The following SHE variants were observed in gnomAD, a reference collection of about 807,000 sequenced individuals.
SHE encodes SH2 domain-containing adapter protein E.
Under a neutral mutation model 49.8 loss-of-function variants are expected in SHE, and 11 were observed. The observed-to-expected ratio is 0.22, with a 90% confidence interval of 0.14 to 0.37. The LOEUF (loss-of-function observed/expected upper bound fraction) is 0.37, where lower values mean the gene tolerates loss of function less well. Ranked by LOEUF, SHE falls within the 10% of genes least tolerant of loss-of-function variation. The probability of loss-of-function intolerance (pLI) is 1.00; values close to 1 mark genes in which losing one functional copy is unlikely to be tolerated. For synonymous variants in SHE, 310 were observed against 278.1 expected, an observed-to-expected ratio of 1.11 and a Z score of -1.14; for missense variants, 624 against 655.5, an observed-to-expected ratio of 0.95 and a Z score of 0.52.
At chr1:154,499,343 A>C in intron 1 of SHE, 105 bp from the exon 2 acceptor site, 4 of 1,316,320 alleles carry the variant, frequency 3.0e-6, no homozygotes, top group Non-Finnish European at 4.1e-6. Context: ...AGGAGGTCAA[A>C]ATCTCTATAA....
In SHE at chr1:154,501,861, C is replaced by T. The variant is rs866211817; in HGVS notation, c.166G>A (p.Ala56Thr). The T allele has an allele frequency of 1.3e-6, 2 of 1,536,668 alleles. No individual in the cohort carries two copies. The highest frequency in any genetic ancestry group is 1.7e-6 in the Non-Finnish European group (2 of 1,148,106). Residue 56 changes from alanine to threonine, a missense_variant, in exon 1 of 6, where the codon GCC (alanine) becomes ACC (threonine). Coordinates refer to ENST00000304760, the MANE Select transcript of SHE (RefSeq NM_001010846.3). ...TTGCCGCCGCCGCCCCCGGGCTTGG[C>T]CCGCTCCGACACGGTCTTCAGGTTC... is the stretch of plus-strand genomic sequence containing the variant. ...PLNLKTVSER[A>T]KPGGGGGKLR...
intron 1 of SHE, among the ~76,000 whole-genome samples, chr1:154,500,037 A>G (rs1692656604): frequency 6.8e-6 from 1 of 147,250 alleles, no homozygotes; most frequent in Non-Finnish European, 1.5e-5. Context: ...CCTCTGTTAC[A>G]TTCTCCAAAG....
chr1:154,475,940 G>T (rs1195918462), downstream of SHE, among the ~76,000 whole-genome samples: 1 of 152,218 alleles, frequency 6.6e-6, no homozygotes, highest in African/African-American at 2.4e-5. Flanking sequence ...GGGATTACAG[G>T]CATGAGCCAC....
In SHE at chr1:154,480,450, A is replaced by G; in HGVS notation, c.*3699T>C. ...GAATATCAAGATGCATCCAGTAACA[A>G]CAGCCAATAACAGACTAGTAACAGA... On this transcript the variant is annotated 3_prime_UTR_variant, in exon 6 of 6. Transcript: ENST00000304760. The G allele has an allele frequency of 2.0e-6, 2 of 985,470 alleles. No homozygotes were observed. The highest frequency in any genetic ancestry group is 1.7e-5 in the African/African-American group (1 of 57,374). The allele number at this position is 985,470 out of a possible 1,614,324, so 61.0% of individuals were successfully genotyped here.
Position 154,485,969 on chromosome 1 carries a change from C to T in SHE, c.1275G>A (p.Gly425=). The change falls in exon 5 of 6, where the codon GGG becomes GGA. Residue 425 remains glycine (G), a synonymous_variant. Transcript: ENST00000304760. Reference sequence around the variant, plus strand: ...TTAGGGCAATGGAGTACCTGCTGTTCCCTGACTCACTATTTCGAACCAGGT... The same window carrying T: ...TTAGGGCAATGGAGTACCTGCTGTTTCCTGACTCACTATTTCGAACCAGGT... ...AGYLVRNSES[G]NSRYSIALKT... 1 of 1,614,072 alleles carries T rather than the reference C, an allele frequency of 6.2e-7. No homozygotes were observed. Among genetic ancestry groups the T allele is most frequent in the African/African-American group, 1.3e-5 (1 of 75,016 alleles).
chr1:154,492,308 T>C (rs1410676869), intron 2 of SHE, among the ~76,000 whole-genome samples: 1 of 152,120 alleles, frequency 6.6e-6, no homozygotes, highest in Non-Finnish European at 1.5e-5. Context: ...GTCAAGAGTG[T>C]AAAAATCCCC....
At chr1:154,498,507 C>G (rs185111148) in intron 2 of SHE, among the ~76,000 whole-genome samples, 1 of 151,620 alleles carries the variant, frequency 6.6e-6, no homozygotes, top group African/African-American at 2.4e-5. Context: ...AAGTGATTCT[C>G]GTGCCTCAGC....
chr1:154,475,772 C>T (rs183879181), downstream of SHE, among the ~76,000 whole-genome samples: 2 of 152,102 alleles, frequency 1.3e-5, no homozygotes, highest in Admixed American at 1.3e-4. Context: ...CAGGGTGGTT[C>T]ATTGTATTCA....
chr1:154,491,014 C>T (rs900985175), intron 2 of SHE, among the ~76,000 whole-genome samples: 2 of 152,096 alleles, frequency 1.3e-5, no homozygotes, highest in Non-Finnish European at 2.9e-5. Context: ...TGGTGAGCAG[C>T]CTGGGGTCAA....
chr1:154,482,484 T>C lies in SHE; in HGVS notation c.*1665A>G. The stretch of plus-strand genomic sequence containing the variant: ...AATGTAACTAGTAACTACAAAGGTA[T>C]ACTTTCCTAAAAAATTAACCAAATC... On this transcript the variant is annotated 3_prime_UTR_variant, in exon 6 of 6. Coordinates refer to ENST00000304760, the MANE Select transcript of SHE (RefSeq NM_001010846.3). 4 of 985,388 alleles carry C rather than the reference T, an allele frequency of 4.1e-6. No individual in the cohort carries two copies. Among genetic ancestry groups the C allele is most frequent in the South Asian group, 9.4e-5 (2 of 21,288 alleles). 61.0% of individuals were successfully genotyped at this position (985,388 alleles called of 1,614,324 possible).
intron 3 of SHE, among the ~76,000 whole-genome samples, chr1:154,487,743 G>A (rs1203854615): frequency 1.3e-5 from 2 of 151,354 alleles, no homozygotes; most frequent in African/African-American, 2.4e-5. Flanking sequence ...CCAGCTCTTC[G>A]GGGGGCTGAG....
At chr1:154,493,083 G>A (rs1489122464) in intron 2 of SHE, among the ~76,000 whole-genome samples, 3 of 152,174 alleles carry the variant, frequency 2.0e-5, no homozygotes, top group Non-Finnish European at 4.4e-5. Context: ...CTTTTGCAAC[G>A]AGGTCCTTCT....
intron 2 of SHE, among the ~76,000 whole-genome samples, chr1:154,493,908 A>T (rs1050807027): frequency 1.3e-5 from 2 of 152,062 alleles, no homozygotes; most frequent in Non-Finnish European, 2.9e-5. Flanking sequence ...GTGTTACCCC[A>T]TTTTCACAGG....
intron 1 of SHE, among the ~76,000 whole-genome samples, chr1:154,473,241 C>A (rs531738892): frequency 6.6e-6 from 1 of 152,102 alleles, no homozygotes; most frequent in African/African-American, 2.4e-5. Flanking sequence ...CTTAGGTGAT[C>A]CGCCTGTCTC....
At chr1:154,491,424 C>T (rs1033692556) in intron 2 of SHE, among the ~76,000 whole-genome samples, 2 of 152,206 alleles carry the variant, frequency 1.3e-5, no homozygotes, top group African/African-American at 2.4e-5. Context: ...GGTGTCCTGG[C>T]GATCTTGCAA....
chr1:154,473,484 C>G (rs2149286332), intron 1 of SHE, among the ~76,000 whole-genome samples: 1 of 150,682 alleles, frequency 6.6e-6, no homozygotes, highest in African/African-American at 2.4e-5. Flanking sequence ...GTTGGGGGGA[C>G]AGGGGTCGAA....
Position 154,480,367 on chromosome 1 carries a change from G to A in SHE, c.*3782C>T, listed in dbSNP as rs1691987342. On this transcript the variant is annotated 3_prime_UTR_variant, in exon 6 of 6. Coordinates refer to ENST00000304760, the MANE Select transcript of SHE (RefSeq NM_001010846.3). ...TTTGACTGAAAAAGGGCATCTGACA[G>A]AACAGAAACTAACCCCACTTAACCC... 1 of 985,432 alleles carries A rather than the reference G, an allele frequency of 1.0e-6. No individual in the cohort carries two copies. Among genetic ancestry groups the A allele is most frequent in the Non-Finnish European group, 1.2e-6 (1 of 829,930 alleles). 61.0% of individuals were successfully genotyped at this position (985,432 alleles called of 1,614,324 possible).
intron 1 of SHE, among the ~76,000 whole-genome samples, chr1:154,500,605 C>G (rs74329110): frequency 1.1e-3 from 169 of 152,316 alleles, no homozygotes; most frequent in African/African-American, 3.8e-3. Context: ...TCTCTCTCCC[C>G]CTTTCACATC....
chr1:154,495,990 G>A (rs1388340828), intron 2 of SHE, among the ~76,000 whole-genome samples: 3 of 152,148 alleles, frequency 2.0e-5, no homozygotes, highest in Admixed American at 1.3e-4. Flanking sequence ...GGAAATTTCC[G>A]AACTTGGACT....
Sources: allele counts gnomAD v4.1 joint callset (sites outside exome capture counted in the v4.1 genomes callset), GRCh38; gene constraint gnomAD v4.1.1; transcripts MANE v1.5; gene names NCBI Gene and HGNC (gene_info 2026-07-23, HGNC 2026-07-21).